The following MTR variants were observed in gnomAD, a reference collection of about 807,000 sequenced individuals.
The protein encoded by MTR is 5-methyltetrahydrofolate-homocysteine methyltransferase.
MTR carries 84 observed loss-of-function variants against 154.8 expected under a neutral mutation model. The ratio of observed to expected loss-of-function variants is 0.54; its 90% CI spans 0.45 to 0.65. The LOEUF is 0.65. Ranked by LOEUF, MTR falls within the 30% of genes least tolerant of loss-of-function variation. The probability of loss-of-function intolerance (pLI) is 0.00; values close to 1 mark genes in which losing one functional copy is unlikely to be tolerated. For missense variants in MTR, 1,275 were observed against 1,570.2 expected, an observed-to-expected ratio of 0.81 and a Z score of 3.18; for synonymous variants, 554 against 553.9, an observed-to-expected ratio of 1.00 and a Z score of 0.00.
rs898878154 is a variant in MTR at position 236,898,000 on chromosome 1, G to A, written c.*356G>A. ...GTGGAATCTAGGAGGCCACTTAGTC[G>A]TCTTTTTTTCCTCTTAGAAGAAAAG... On this transcript the variant is annotated 3_prime_UTR_variant, in exon 33 of 33. Coordinates refer to ENST00000366577, the MANE Select transcript of MTR (RefSeq NM_000254.3). The A allele has an allele frequency of 2.3e-5, 6 of 260,938 alleles. No homozygotes were observed. Among genetic ancestry groups the A allele is most frequent in the South Asian group, 1.9e-4 (4 of 21,046 alleles). 16.2% of individuals were successfully genotyped at this position (260,938 alleles called of 1,614,324 possible).
chr1:236,864,646 A>G (rs1664731745), intron 22 of MTR, among the ~76,000 whole-genome samples: 1 of 152,226 alleles, frequency 6.6e-6, no homozygotes, highest in Non-Finnish European at 1.5e-5. Context: ...TTGTAATGAA[A>G]TTTTACCTAT....
chr1:236,892,815 T>A (rs1413424617), intron 29 of MTR, among the ~76,000 whole-genome samples: 1 of 152,228 alleles, frequency 6.6e-6, no homozygotes, highest in Non-Finnish European at 1.5e-5. Flanking sequence ...CAGTCTTTCA[T>A]CTTTCAAGTC....
Position 236,838,422 on chromosome 1 carries a change from G to C in MTR, c.1338G>C (p.Leu446Phe). The C allele has an allele frequency of 6.2e-7, 1 of 1,614,100 alleles. No homozygotes were observed. The highest frequency in any genetic ancestry group is 8.5e-7 in the Non-Finnish European group (1 of 1,179,998). ...ASEPDIAKVP[L>F]CIDSSNFAVI... ...TGCCTTTCTGATCTCAGGTACCTTT[G>C]TGCATCGACTCCTCCAATTTTGCTG... Residue 446 changes from leucine to phenylalanine, a missense_variant, in exon 15 of 33, where the codon TTG (leucine) becomes TTC (phenylalanine). Transcript: ENST00000366577.
At chr1:236,862,548 TATAG>T (rs766137567) in intron 21 of MTR, among the ~76,000 whole-genome samples, 2 of 152,348 alleles carry the variant, frequency 1.3e-5, no homozygotes, top group African/African-American at 2.4e-5. Flanking sequence ...ACATTTTTAA[TATAG>T]ATACAATTTT....
intron 29 of MTR, among the ~76,000 whole-genome samples, chr1:236,891,556 C>G (rs112661681): frequency 6.6e-6 from 1 of 151,980 alleles, no homozygotes; most frequent in South Asian, 2.1e-4. Flanking sequence ...AGGAGTGAGG[C>G]GTTTAATATT....
chr1:236,843,664 A>T (rs763548659), intron 15 of MTR, among the ~76,000 whole-genome samples: 1 of 152,216 alleles, frequency 6.6e-6, no homozygotes. Context: ...GCAAAAGAGG[A>T]TGTTAAAAGT....
chr1:236,844,892 G>C (rs142810493), intron 15 of MTR, among the ~76,000 whole-genome samples: 1 of 152,192 alleles, frequency 6.6e-6, no homozygotes, highest in Non-Finnish European at 1.5e-5. Flanking sequence ...GGCAGTCACT[G>C]CTGGAGCTTT....
chr1:236,860,568 T>C (rs1439325540), intron 19 of MTR, among the ~76,000 whole-genome samples: 1 of 152,144 alleles, frequency 6.6e-6, no homozygotes, highest in Admixed American at 6.5e-5. Context: ...CAATGGAGGC[T>C]TCATGGATTT....
At chr1:236,824,078 TGA>T (rs774945967) in intron 8 of MTR, 39 bp from the exon 9 acceptor site, 2 of 1,483,908 alleles carry the variant, frequency 1.3e-6, no homozygotes, top group East Asian at 4.5e-5. Context: ...TAAATATGAA[TGA>T]GAGATGATGC....
chr1:236,808,682 A>T (rs1661125962), intron 3 of MTR, 22 bp from the exon 4 acceptor site: 1 of 1,612,110 alleles, frequency 6.2e-7, no homozygotes, highest in East Asian at 2.2e-5. Context: ...GGACAAGCTA[A>T]CGTTTGTGGT....
intron 15 of MTR, among the ~76,000 whole-genome samples, chr1:236,846,828 T>C (rs1247821035): frequency 6.6e-6 from 1 of 152,190 alleles, no homozygotes; most frequent in Non-Finnish European, 1.5e-5. Flanking sequence ...TACTTGTCAG[T>C]GTCTCTCTTG....
intron 25 of MTR, 97 bp downstream of exon 25, chr1:236,880,933 T>A: frequency 3.2e-6 from 4 of 1,238,362 alleles, no homozygotes; most frequent in Non-Finnish European, 4.7e-6. Flanking sequence ...TATTCAGTTC[T>A]ACTAAATAAA....
chr1:236,878,402 C>T (rs559771687), intron 24 of MTR, among the ~76,000 whole-genome samples: 5 of 152,192 alleles, frequency 3.3e-5, no homozygotes, highest in East Asian at 1.9e-4. Context: ...ATGAAAACAT[C>T]GCTGAGGGGA....
intron 18 of MTR, among the ~76,000 whole-genome samples, chr1:236,857,227 C>T (rs189649620): frequency 1.6e-4 from 24 of 152,242 alleles, no homozygotes; most frequent in African/African-American, 3.6e-4. Context: ...TTCTAACTGG[C>T]GTGATATGGT....
intron 3 of MTR, among the ~76,000 whole-genome samples, chr1:236,808,391 C>T (rs1224903262): frequency 1.3e-5 from 2 of 152,052 alleles, no homozygotes; most frequent in African/African-American, 4.8e-5. Context: ...TTATTTTTTT[C>T]TTAATTCTCA....
At chr1:236,851,534 C>G (rs1441410274) in intron 16 of MTR, among the ~76,000 whole-genome samples, 14 of 152,256 alleles carry the variant, frequency 9.2e-5, no homozygotes, top group Admixed American at 9.2e-4. Flanking sequence ...CATACATGCA[C>G]AAAACAAGGT....
intron 1 of MTR, among the ~76,000 whole-genome samples, chr1:236,799,886 T>TA (rs1660614249): frequency 5.9e-5 from 9 of 152,040 alleles, no homozygotes; most frequent in Admixed American, 5.9e-4. Flanking sequence ...AATTATACAA[T>TA]AAGTTTGTCA....
At chr1:236,871,005 T>C (rs1665095414) in intron 22 of MTR, among the ~76,000 whole-genome samples, 1 of 152,194 alleles carries the variant, frequency 6.6e-6, no homozygotes, top group South Asian at 2.1e-4. Context: ...CCAGTCTCTC[T>C]GCTTCTCTAC....
Position 236,812,813 on chromosome 1 carries a change from T to A in MTR, c.578T>A (p.Ile193Asn). The A allele has an allele frequency of 6.2e-7, 1 of 1,614,076 alleles. No homozygotes were observed. The highest frequency in any genetic ancestry group is 8.5e-7 in the Non-Finnish European group (1 of 1,179,964). The change falls in exon 6 of 33, where the codon ATT becomes AAT. Residue 193 changes from isoleucine (I) to asparagine (N), a missense_variant. Ile to Asn is a moderately radical substitution (Grantham distance 149, BLOSUM62 -3). Coordinates refer to ENST00000366577, the MANE Select transcript of MTR (RefSeq NM_000254.3). ...LLDGGVDILLIETIFDTANAK... is the reference protein window; with the variant it reads ...LLDGGVDILLNETIFDTANAK... ...GATGGCGGGGTTGATATCTTACTCA[T>A]TGAAACTATTTTTGATACTGCCAAT...
Sources: gnomAD v4.1 joint callset for allele counts (sites outside exome capture counted in the v4.1 genomes callset) on GRCh38, gnomAD v4.1.1 for gene constraint, MANE v1.5 for transcripts, NCBI Gene and HGNC (gene_info 2026-07-23, HGNC 2026-07-21) for gene names.